The following CNTNAP2 variants were observed in gnomAD, a reference collection of about 807,000 sequenced individuals.
CNTNAP2 encodes contactin associated protein 2.
CNTNAP2 carries 98 observed loss-of-function variants against 155.2 expected under a neutral mutation model. That is an observed-to-expected ratio of 0.63 (90% CI 0.54 to 0.75). CNTNAP2 has a LOEUF of 0.75. Ranked by LOEUF, CNTNAP2 falls within the 30% of genes least tolerant of loss-of-function variation. CNTNAP2 has a pLI of 0.00. For synonymous variants in CNTNAP2, 651 were observed against 631.2 expected (o/e 1.03, Z -0.47); for missense variants, 1,727 against 1,688.1 (o/e 1.02, Z -0.40).
intron 14 of CNTNAP2, among the ~76,000 whole-genome samples, chr7:147,924,783 G>A (rs1472840372): frequency 6.6e-6 from 1 of 152,088 alleles, no homozygotes; most frequent in Non-Finnish European, 1.5e-5. Context: ...TGTACATAGA[G>A]TAGACAGAGG....
intron 8 of CNTNAP2, among the ~76,000 whole-genome samples, chr7:147,152,742 G>A (rs1222820047): frequency 5.3e-5 from 8 of 152,032 alleles, no homozygotes; most frequent in Non-Finnish European, 1.0e-4. Flanking sequence ...AATATATACT[G>A]TAAACATTGT....
intron 14 of CNTNAP2, among the ~76,000 whole-genome samples, chr7:147,920,720 T>C (rs887116007): frequency 1.3e-5 from 2 of 152,040 alleles, no homozygotes; most frequent in Non-Finnish European, 2.9e-5. Flanking sequence ...TTAAGTCATA[T>C]GCCTCCTGCT....
chr7:146,121,119 C>CTTTTTTTTTTTTTTTTTTTTTTTT (rs745449281), intron 1 of CNTNAP2, among the ~76,000 whole-genome samples: 1 of 65,784 alleles, frequency 1.5e-5, no homozygotes, highest in Non-Finnish European at 2.9e-5. Flanking sequence ...ATAAAGCTTC[C>CTTTTTTTTTTTTTTTTTTTTTTTT]TTTTTTTTTT....
chr7:148,341,163 C>T lies in CNTNAP2; in HGVS notation c.3476-42486C>T, dbSNP rs191883516. Among the ~76,000 whole-genome samples, 5 of 152,334 alleles carry T rather than the reference C, an allele frequency of 3.3e-5. No homozygotes were observed. In the South Asian group the frequency reaches 6.2e-4, roughly 19 times the overall value. On this transcript the variant is annotated intron_variant, in intron 21 of 23. Coordinates refer to ENST00000361727, the MANE Select transcript of CNTNAP2 (RefSeq NM_014141.6). Reference sequence around the variant, plus strand: ...TAACTTGGGAAAGCCTCATTCCTCACGTTCTTTCCGCTTCTACTGTAATGG... The same window carrying T: ...TAACTTGGGAAAGCCTCATTCCTCATGTTCTTTCCGCTTCTACTGTAATGG...
intron 3 of CNTNAP2, among the ~76,000 whole-genome samples, chr7:146,901,562 A>T (rs1223540077): frequency 6.6e-6 from 1 of 152,206 alleles, no homozygotes; most frequent in Non-Finnish European, 1.5e-5. Flanking sequence ...GGATGAAATA[A>T]ACAGAATCAC....
intron 3 of CNTNAP2, among the ~76,000 whole-genome samples, chr7:146,947,221 A>T (rs140634385): frequency 0.017 from 2,504 of 151,534 alleles, 38 homozygotes; most frequent in Non-Finnish European, 0.026. Flanking sequence ...AGAAAAAAAA[A>T]AGTTTGGTCA....
At chr7:147,241,952 G>A (rs531318150) in intron 8 of CNTNAP2, among the ~76,000 whole-genome samples, 1 of 152,172 alleles carries the variant, frequency 6.6e-6, no homozygotes, top group African/African-American at 2.4e-5. Flanking sequence ...ATTGAAACAC[G>A]TTTATAAAGC....
At chr7:147,708,936 T>G (rs1341223151) in intron 13 of CNTNAP2, among the ~76,000 whole-genome samples, 1 of 152,174 alleles carries the variant, frequency 6.6e-6, no homozygotes. Context: ...ATACATGATT[T>G]TTTCTACTTT....
At chr7:148,384,429 A>C (rs1799145013) in intron 22 of CNTNAP2, among the ~76,000 whole-genome samples, 1 of 152,266 alleles carries the variant, frequency 6.6e-6, no homozygotes, top group South Asian at 2.1e-4. Flanking sequence ...CACAGGGCTC[A>C]AATGAAAGGA....
chr7:146,681,111 C>T (rs1023086261), intron 1 of CNTNAP2, among the ~76,000 whole-genome samples: 5 of 151,640 alleles, frequency 3.3e-5, no homozygotes, highest in Non-Finnish European at 5.9e-5. Context: ...AAAGAAAGTG[C>T]GGAGGATCAG....
At chr7:147,977,840 T>A (rs763770590) in intron 14 of CNTNAP2, 22 bp from the exon 15 acceptor site, 1 of 1,613,882 alleles carries the variant, frequency 6.2e-7, no homozygotes, top group African/African-American at 1.3e-5. Context: ...TCATTCTTTT[T>A]CTGTCTTTCC....
intron 1 of CNTNAP2, among the ~76,000 whole-genome samples, chr7:146,760,789 G>GA (rs1802084652): frequency 6.6e-6 from 1 of 151,712 alleles, no homozygotes; most frequent in Non-Finnish European, 1.5e-5. Context: ...AATAATGGCT[G>GA]TACCACCCAG....
intron 1 of CNTNAP2, among the ~76,000 whole-genome samples, chr7:146,328,158 C>T (rs1302802454): frequency 1.3e-5 from 2 of 152,140 alleles, no homozygotes; most frequent in African/African-American, 2.4e-5. Flanking sequence ...TTTAGATTCT[C>T]ATAGGAGCAC....
intron 1 of CNTNAP2, among the ~76,000 whole-genome samples, chr7:146,368,286 T>G (rs180740164): frequency 6.6e-6 from 1 of 152,238 alleles, no homozygotes; most frequent in Admixed American, 6.5e-5. Context: ...ATTATATATA[T>G]TTTCACACAC....
chr7:146,727,170 C>G (rs188339607), intron 1 of CNTNAP2, among the ~76,000 whole-genome samples: 189 of 152,052 alleles, frequency 1.2e-3, no homozygotes, highest in African/African-American at 4.4e-3. Flanking sequence ...AAAATAAATA[C>G]GAGATATCCC....
At chr7:148,393,045 TATC>T (rs1799388120) in intron 22 of CNTNAP2, among the ~76,000 whole-genome samples, 1 of 151,814 alleles carries the variant, frequency 6.6e-6, no homozygotes. Flanking sequence ...GTTTCCTTTC[TATC>T]ATCTGGCCAT....
intron 16 of CNTNAP2, among the ~76,000 whole-genome samples, chr7:148,127,571 T>C (rs986029092): frequency 2.6e-5 from 4 of 152,200 alleles, no homozygotes; most frequent in Non-Finnish European, 4.4e-5. Context: ...GGAAAAACTT[T>C]CATGTTCAAG....
intron 14 of CNTNAP2, among the ~76,000 whole-genome samples, chr7:147,905,743 G>C (rs1394065644): frequency 6.6e-6 from 1 of 152,138 alleles, no homozygotes; most frequent in Non-Finnish European, 1.5e-5. Context: ...AATTAGCCGG[G>C]CATGGTGGTG....
intron 12 of CNTNAP2, among the ~76,000 whole-genome samples, chr7:147,616,591 T>C (rs1801298173): frequency 6.6e-6 from 1 of 152,178 alleles, no homozygotes; most frequent in Non-Finnish European, 1.5e-5. Context: ...TTGATCTTCA[T>C]ATCATTCCGA....
Sources: allele counts gnomAD v4.1 joint callset (sites outside exome capture counted in the v4.1 genomes callset), GRCh38; gene constraint gnomAD v4.1.1; transcripts MANE v1.5; gene names NCBI Gene and HGNC (gene_info 2026-07-23, HGNC 2026-07-21).